The following NLRP1 variants were observed in gnomAD, a reference collection of about 807,000 sequenced individuals.
The protein encoded by NLRP1 is NLR family pyrin domain containing 1, also known as NACHT, LRR and PYD domains-containing protein 1.
A neutral mutation model predicts 136.7 loss-of-function variants in NLRP1; 94 were observed. That is an observed-to-expected ratio of 0.69 (90% confidence interval 0.58 to 0.82). The LOEUF is 0.82. Ranked by LOEUF, NLRP1 falls within the 40% of genes least tolerant of loss-of-function variation. NLRP1 has a pLI of 0.00. For synonymous variants in NLRP1, 690 were observed against 725.1 expected, an observed-to-expected ratio of 0.95 and a Z score of 0.78; for missense variants, 1,575 against 1,802.7, an observed-to-expected ratio of 0.87 and a Z score of 2.29.
chr17:5,530,438 A>T, intron 12 of NLRP1, 43 bp downstream of exon 12: 1 of 1,564,226 alleles, frequency 6.4e-7, no homozygotes, highest in Non-Finnish European at 8.8e-7. Flanking sequence ...TTTCAGGCCC[A>T]TAATTACCAC....
rs1308621637 is a variant in NLRP1, at chr17:5,539,521, G to C, written c.2764C>G (p.Pro922Ala). ...QDLASVLSAS[P>A]SLKELDLQQN... The stretch of plus-strand genomic sequence containing the variant: ...TGCAGGTCTAGCTCCTTCAGGCTGG[G>C]GCTGGCACTAAGCACAGAGGCCAGG... The change falls in exon 7 of 17, where the codon CCC becomes GCC. Residue 922 changes from proline to alanine, a missense_variant. Physicochemically the swap from Pro to Ala is conservative, Grantham distance 27 (BLOSUM62 -1). Transcript: ENST00000572272. 2 of 1,614,036 alleles carry C rather than the reference G, an allele frequency of 1.2e-6. No homozygotes were observed. Among genetic ancestry groups the C allele is most frequent in the Non-Finnish European group, 1.7e-6 (2 of 1,180,004 alleles).
At chr17:5,552,606 C>A (rs1297896241) in intron 5 of NLRP1, among the ~76,000 whole-genome samples, 1 of 152,168 alleles carries the variant, frequency 6.6e-6, no homozygotes, top group African/African-American at 2.4e-5. Flanking sequence ...AACCTAAAAT[C>A]ATCCTTGATA....
At chr17:5,515,609 T>C in intron 15 of NLRP1, 92 bp from the exon 16 acceptor site, 2 of 1,029,320 alleles carry the variant, frequency 1.9e-6, no homozygotes, top group East Asian at 2.4e-5. Context: ...ACTTCTGAGA[T>C]TCTTTGATTT....
At chr17:5,550,609 T>C (rs990967775) in intron 5 of NLRP1, among the ~76,000 whole-genome samples, 2 of 152,132 alleles carry the variant, frequency 1.3e-5, no homozygotes, top group African/African-American at 4.8e-5. Context: ...CTAAAAGGTG[T>C]CAAATTTTGT....
chr17:5,517,239 C>A (rs1301954628), intron 15 of NLRP1, among the ~76,000 whole-genome samples: 1 of 150,896 alleles, frequency 6.6e-6, no homozygotes, highest in African/African-American at 2.4e-5. Context: ...CAGATTGAGT[C>A]AAGTTTAAAT....
Position 5,559,459 on chromosome 17 carries a change from C to G in NLRP1, c.1237G>C (p.Asp413His). The change falls in exon 4 of 17, where the codon GAT becomes CAT. Residue 413 changes from aspartate to histidine, a missense_variant. By Grantham distance (81) the Asp-to-His change is moderately conservative. Coordinates refer to ENST00000572272, the MANE Select transcript of NLRP1 (RefSeq NM_033004.4). ...ERLLFILDGV[D>H]EPGWVLQEPS... ...TCCTGCAAGACCCATCCTGGCTCATCTACACCATCGAGGATGAAGAGCAGC... is the reference window on the plus strand; with the variant it reads ...TCCTGCAAGACCCATCCTGGCTCATGTACACCATCGAGGATGAAGAGCAGC... 1.2e-6 allele frequency: 2 copies of G among 1,614,242 alleles called. No homozygotes were observed. Among genetic ancestry groups the G allele is most frequent in the South Asian group, 1.1e-5 (1 of 91,090 alleles).
chr17:5,576,896 C>T (rs1905080999), intron 3 of NLRP1, among the ~76,000 whole-genome samples: 1 of 152,178 alleles, frequency 6.6e-6, no homozygotes, highest in Admixed American at 6.5e-5. Flanking sequence ...AGCAGCACAT[C>T]AAAAAGCTTA....
intron 3 of NLRP1, among the ~76,000 whole-genome samples, chr17:5,573,566 A>C (rs894646296): frequency 3.3e-5 from 5 of 152,200 alleles, no homozygotes; most frequent in Non-Finnish European, 7.3e-5. Context: ...AAGCACCCCC[A>C]AGTAGGGGCA....
intron 5 of NLRP1, among the ~76,000 whole-genome samples, chr17:5,547,776 A>G (rs1021691237): frequency 1.3e-5 from 2 of 152,162 alleles, no homozygotes; most frequent in Non-Finnish European, 2.9e-5. Context: ...GGATACAGAA[A>G]GTCACAGCAC....
rs1037642329 is a variant in NLRP1 at position 5,529,879 on chromosome 17, G to A, written c.3520+602C>T. 48 of 418,884 alleles carry A rather than the reference G, an allele frequency of 1.1e-4. No individual in the cohort carries two copies. In the Admixed American group the frequency reaches 1.3e-3, roughly 11 times the overall value. 25.9% of individuals were successfully genotyped at this position (418,884 alleles called of 1,614,324 possible). ...GTCGTTTCTGCTGGCTCTTACTTCT[G>A]GTGCCTTGTTTCCCCTTTGTGAGAT... On this transcript the variant is annotated intron_variant, in intron 12 of 16. Transcript: ENST00000572272.
intron 4 of NLRP1, among the ~76,000 whole-genome samples, chr17:5,554,192 T>C (rs1913749406): frequency 6.6e-6 from 1 of 152,150 alleles, no homozygotes; most frequent in African/African-American, 2.4e-5. Context: ...CAAGAGGGTC[T>C]GCAGGAGAGG....
intron 14 of NLRP1, among the ~76,000 whole-genome samples, chr17:5,519,791 G>C (rs2151739770): frequency 6.8e-6 from 1 of 147,612 alleles, no homozygotes; most frequent in Non-Finnish European, 1.5e-5. Flanking sequence ...ACTCTTGCCT[G>C]CTTATCATTC....
Position 5,559,428 on chromosome 17 carries a change from C to T in NLRP1, c.1268G>A (p.Ser423Asn), listed in dbSNP as rs201861834. 2 of 1,614,052 alleles carry T rather than the reference C, an allele frequency of 1.2e-6. No homozygotes were observed. The highest frequency in any genetic ancestry group is 2.7e-5 in the African/African-American group (2 of 74,952). Reference protein sequence around the residue: ...DEPGWVLQEPSSELCLHWSQP... With the variant: ...DEPGWVLQEPNSELCLHWSQP... ...GCTCCAGTGCAGACAGAGCTCAGAA[C>T]TCGGCTCCTGCAAGACCCATCCTGG... Residue 423 changes from serine (S) to asparagine (N), a missense_variant, in exon 4 of 17, where the codon AGT becomes AAT. Coordinates refer to ENST00000572272, the MANE Select transcript of NLRP1 (RefSeq NM_033004.4).
At chr17:5,524,816 T>G (rs892556640) in intron 12 of NLRP1, among the ~76,000 whole-genome samples, 3 of 152,202 alleles carry the variant, frequency 2.0e-5, no homozygotes, top group African/African-American at 7.2e-5. Flanking sequence ...CAGAAGGTGC[T>G]GGGTGTCTCC....
In NLRP1 at chr17:5,559,853, C is replaced by T; in HGVS notation, c.843G>A (p.Leu281=). The T allele has an allele frequency of 6.2e-7, 1 of 1,614,222 alleles. No homozygotes were observed. The part of the protein sequence containing the change: ...NEDFNQKFTQ[L]LLLQRPHPRS... The stretch of plus-strand genomic sequence containing the variant: ...TGGGGTGAGGTCTTTGTAGAAGTAG[C>T]AGCTGTGTGAATTTTTGGTTAAAAT... The change falls in exon 4 of 17, where the codon CTG becomes CTA. Residue 281 remains leucine, a synonymous_variant. Coordinates refer to ENST00000572272, the MANE Select transcript of NLRP1 (RefSeq NM_033004.4).
chr17:5,582,605 G>T, intron 2 of NLRP1, 65 bp downstream of exon 2: 1 of 1,498,094 alleles, frequency 6.7e-7, no homozygotes, highest in Non-Finnish European at 9.2e-7. Context: ...TGATCCTCTG[G>T]GTGGGGCCCA....
At chr17:5,574,657 ATTCT>A (rs1904821448) in intron 3 of NLRP1, among the ~76,000 whole-genome samples, 1 of 147,950 alleles carries the variant, frequency 6.8e-6, no homozygotes, top group African/African-American at 2.5e-5. Flanking sequence ...AATATTCAAC[ATTCT>A]TTTTTTTTTT....
Position 5,583,719 on chromosome 17 carries a change from C to T in NLRP1, c.239G>A (p.Arg80Lys). Reference sequence around the variant, plus strand: ...TTCCTGGGCTTGGGCGCACAGTGACCTCAGCCCCATCTGCTCCCAGGTATG... The same window carrying T: ...TTCCTGGGCTTGGGCGCACAGTGACTTCAGCCCCATCTGCTCCCAGGTATG... ...ALHTWEQMGL[R>K]SLCAQAQEGA... Residue 80 changes from arginine (R) to lysine (K), a missense_variant, in exon 1 of 17, where the codon AGG (arginine) becomes AAG (lysine). Arg to Lys is a conservative substitution (Grantham distance 26, BLOSUM62 2). Transcript: ENST00000572272. The surrounding 1 kb of genome is among the most constrained non-coding windows in gnomAD (Gnocchi z 4.5). The T allele has an allele frequency of 1.3e-6, 2 of 1,554,124 alleles. No individual in the cohort carries two copies. Among genetic ancestry groups the T allele is most frequent in the Non-Finnish European group, 1.7e-6 (2 of 1,149,044 alleles).
In NLRP1 at chr17:5,536,875, G is replaced by T; in HGVS notation, c.2936C>A (p.Pro979His). Residue 979 changes from proline to histidine, a missense_variant, in exon 8 of 17, where the codon CCT becomes CAT. Coordinates refer to ENST00000572272, the MANE Select transcript of NLRP1 (RefSeq NM_033004.4). The stretch of plus-strand genomic sequence containing the variant: ...CCGTCTGCTGAAGATGAGCAGCTGA[G>T]GTTTCTCCTGCTCCAGGGCCCTCAG... ...QELRALEQEK[P>H]QLLIFSRRKP... 6.2e-7 allele frequency: 1 copy of T among 1,613,162 alleles called. No individual in the cohort carries two copies. Among genetic ancestry groups the T allele is most frequent in the Non-Finnish European group, 8.5e-7 (1 of 1,179,182 alleles).
Sources: gnomAD v4.1 joint callset for allele counts (sites outside exome capture counted in the v4.1 genomes callset) on GRCh38, gnomAD v4.1.1 for gene constraint, Gnocchi (gnomAD v3.1) non-coding constraint, MANE v1.5 for transcripts, NCBI Gene and HGNC (gene_info 2026-07-23, HGNC 2026-07-21) for gene names.